The following SLC7A2 variants were observed in gnomAD, a reference collection of about 807,000 sequenced individuals.
SLC7A2 encodes the protein cationic amino acid transporter 2.
Under a neutral mutation model 58.9 loss-of-function variants are expected in SLC7A2, and 48 were observed. The ratio of observed to expected loss-of-function variants is 0.82; its 90% confidence interval spans 0.65 to 1.04. The LOEUF (loss-of-function observed/expected upper bound fraction) is 1.04. SLC7A2 is among the 50% of genes least tolerant of loss of function. The pLI is 0.00. For missense variants in SLC7A2, 1,029 were observed against 818.8 expected (o/e 1.26, Z -3.13); for synonymous variants, 363 against 314.5 (o/e 1.15, Z -1.63).
chr8:17,565,228 C>G lies in SLC7A2; in HGVS notation c.*82C>G. The G allele has an allele frequency of 8.7e-7, 1 of 1,146,012 alleles. No homozygotes were observed. The highest frequency in any genetic ancestry group is 1.2e-6 in the Non-Finnish European group (1 of 806,698). The allele number at this position is 1,146,012 out of a possible 1,614,324, so 71.0% of individuals were successfully genotyped here. ...ACCGTAACGGGATGTCATCAGCATG[C>G]TGGGTTGTCATGGGTTTGCTGCATA... On this transcript the variant is annotated 3_prime_UTR_variant, in exon 13 of 13. Coordinates refer to ENST00000494857, the MANE Select transcript of SLC7A2 (RefSeq NM_001370338.1).
At chr8:17,516,054 G>T (rs1273155413) in intron 2 of SLC7A2, among the ~76,000 whole-genome samples, 3 of 152,062 alleles carry the variant, frequency 2.0e-5, no homozygotes, top group African/African-American at 7.2e-5. Context: ...TTTAAAGAAA[G>T]TTATCATCTC....
chr8:17,534,169 G>A (rs936445121), intron 2 of SLC7A2, among the ~76,000 whole-genome samples: 1 of 151,998 alleles, frequency 6.6e-6, no homozygotes, highest in Non-Finnish European at 1.5e-5. Context: ...TATTATTGAT[G>A]GGCACAGGCT....
chr8:17,519,815 A>T (rs1451400388), intron 2 of SLC7A2, among the ~76,000 whole-genome samples: 2 of 148,780 alleles, frequency 1.3e-5, no homozygotes, highest in African/African-American at 2.5e-5. Flanking sequence ...TGCCAAGCAG[A>T]CTTCTGATTG....
intron 2 of SLC7A2, among the ~76,000 whole-genome samples, chr8:17,513,366 G>T (rs536121554): frequency 6.9e-4 from 105 of 152,158 alleles, no homozygotes; most frequent in African/African-American, 2.2e-3. Flanking sequence ...GGATACTGAA[G>T]TCTGAAGGGT....
chr8:17,557,683 C>CCA (rs10658348), intron 8 of SLC7A2, among the ~76,000 whole-genome samples: 7,529 of 152,080 alleles, frequency 0.05, 619 homozygotes, highest in African/African-American at 0.17. Context: ...CAAAAATTAG[C>CCA]CAGGTGTGGT....
chr8:17,550,222 G>A (rs1802380750), intron 5 of SLC7A2, 79 bp from the exon 6 acceptor site: 1 of 1,344,308 alleles, frequency 7.4e-7, no homozygotes, highest in African/African-American at 1.5e-5. Context: ...CACCTTCCAA[G>A]GATATAGTCT....
At chr8:17,500,346 A>T (rs570831513) in intron 1 of SLC7A2, 4 of 152,178 alleles carry the variant, frequency 2.6e-5, no homozygotes, top group Admixed American at 2.6e-4. Flanking sequence ...CATTCCTCTT[A>T]TATTTCCCTT....
rs921608300 is a variant in SLC7A2 at position 17,566,987 on chromosome 8, G to A, written c.*1841G>A. ...GGTTTTGTATAGCCAGGAGTTTATT[G>A]TGATTAAACATCAAAGAAACAGGTA... On this transcript the variant is annotated 3_prime_UTR_variant, in exon 13 of 13. Transcript: ENST00000494857. The A allele has an allele frequency of 1.3e-5, 2 of 152,564 alleles. No individual in the cohort carries two copies. The highest frequency in any genetic ancestry group is 1.3e-4 in the Admixed American group (2 of 15,272). The allele number at this position is 152,564 out of a possible 1,614,324, so 9.5% of individuals were successfully genotyped here.
intron 3 of SLC7A2, 75 bp from the exon 4 acceptor site, chr8:17,544,376 C>A: frequency 7.7e-7 from 1 of 1,305,800 alleles, no homozygotes; most frequent in Non-Finnish European, 1.1e-6. Flanking sequence ...CATGTTTATC[C>A]TATAATAGAG....
Position 17,567,009 on chromosome 8 carries a change from G to A in SLC7A2, c.*1863G>A, listed in dbSNP as rs1317197883. 6.6e-6 allele frequency: 1 copy of A among 152,628 alleles called. No individual in the cohort carries two copies. Among genetic ancestry groups the A allele is most frequent in the Non-Finnish European group, 1.5e-5 (1 of 68,036 alleles). 9.5% of individuals were successfully genotyped at this position (152,628 alleles called of 1,614,324 possible). A position where few individuals can be genotyped will look rare whatever the true frequency, so the allele number is the denominator to read the frequency against. On this transcript the variant is annotated 3_prime_UTR_variant, in exon 13 of 13. Coordinates refer to ENST00000494857, the MANE Select transcript of SLC7A2 (RefSeq NM_001370338.1). ...ATTGTGATTAAACATCAAAGAAACA[G>A]GTAGAAAGCCTGGGTTTCTGGCTGC... is the stretch of plus-strand genomic sequence containing the variant.
At chr8:17,509,668 AT>A (rs1186084685) in intron 2 of SLC7A2, among the ~76,000 whole-genome samples, 1 of 152,054 alleles carries the variant, frequency 6.6e-6, no homozygotes, top group Non-Finnish European at 1.5e-5. Flanking sequence ...TTTTATTTTT[AT>A]TTTTTCGCCT....
rs1358304176 is a variant in SLC7A2, at chr8:17,552,552, AT to A, written c.1055+567del. ...TGAAGTTGGTCTAGAAATAGAAATT[AT>A]CATTCTTAAATAAATGGTGGAAATT... On this transcript the variant is annotated intron_variant, in intron 7 of 12. Transcript: ENST00000494857. Among the ~76,000 whole-genome samples the A allele has an allele frequency of 1.0e-4, 15 of 146,808 alleles. 1 individual carries two copies. In the South Asian group the frequency reaches 3.2e-3, roughly 31 times the overall value.
At chr8:17,533,966 C>T (rs1206801810) in intron 2 of SLC7A2, among the ~76,000 whole-genome samples, 1 of 152,134 alleles carries the variant, frequency 6.6e-6, no homozygotes, top group Non-Finnish European at 1.5e-5. Context: ...TCCCTATGTC[C>T]ATGTGTTCTC....
intron 2 of SLC7A2, among the ~76,000 whole-genome samples, chr8:17,538,376 G>C (rs1036399559): frequency 1.3e-5 from 2 of 152,226 alleles, no homozygotes; most frequent in African/African-American, 4.8e-5. Flanking sequence ...TAAAAGTGAA[G>C]TGAATATGGA....
chr8:17,495,740 G>C (rs955046030), upstream of SLC7A2, among the ~76,000 whole-genome samples: 1 of 152,142 alleles, frequency 6.6e-6, no homozygotes, highest in East Asian at 1.9e-4. Flanking sequence ...AGTAGAGACG[G>C]AGTTTCACCC....
At chr8:17,509,722 A>G (rs748756177) in intron 2 of SLC7A2, among the ~76,000 whole-genome samples, 1 of 152,198 alleles carries the variant, frequency 6.6e-6, no homozygotes, top group African/African-American at 2.4e-5. Context: ...ATGGTAGAGA[A>G]AAGTAATCTT....
chr8:17,549,901 C>A (rs1035646177), intron 5 of SLC7A2, among the ~76,000 whole-genome samples: 5 of 152,166 alleles, frequency 3.3e-5, no homozygotes, highest in Non-Finnish European at 5.9e-5. Flanking sequence ...ATATACTCTG[C>A]CTTACTCGAT....
chr8:17,505,455 G>A (rs1800327352), intron 2 of SLC7A2, among the ~76,000 whole-genome samples: 1 of 152,154 alleles, frequency 6.6e-6, no homozygotes, highest in South Asian at 2.1e-4. Flanking sequence ...AGGTATGACA[G>A]TAACATAGCA....
At chr8:17,525,946 A>G (rs1473137170) in intron 2 of SLC7A2, among the ~76,000 whole-genome samples, 1 of 152,174 alleles carries the variant, frequency 6.6e-6, no homozygotes, top group Non-Finnish European at 1.5e-5. Flanking sequence ...GTCTTTTTTC[A>G]TGATGGGGAA....
Sources: gnomAD v4.1 joint callset for allele counts (sites outside exome capture counted in the v4.1 genomes callset) on GRCh38, gnomAD v4.1.1 for gene constraint, MANE v1.5 for transcripts, NCBI Gene and HGNC (gene_info 2026-07-23, HGNC 2026-07-21) for gene names.